Variants in ARHGAP8 observed in about 807,000 individuals in gnomAD.
ARHGAP8 encodes Rho GTPase activating protein 8.
In ARHGAP8, 62 loss-of-function variants were observed where a neutral mutation model predicts 46.1. The ratio of observed to expected loss-of-function variants is 1.34; its 90% CI spans 1.10 to 1.66. The LOEUF (loss-of-function observed/expected upper bound fraction) is 1.66. Ranked by LOEUF, ARHGAP8 falls within the 40% of genes most tolerant of loss-of-function variation. The pLI is 0.00. For missense variants in ARHGAP8, 923 were observed against 568.4 expected (o/e 1.62, Z -6.34); for synonymous variants, 375 against 243.1 (o/e 1.54, Z -5.05).
At chr22:44,855,240 G>T (rs1157452853) in intron 10 of ARHGAP8, among the ~76,000 whole-genome samples, 2 of 151,600 alleles carry the variant, frequency 1.3e-5, no homozygotes, top group Non-Finnish European at 2.9e-5. Context: ...TTTAAGACAG[G>T]GTCTCCTTCT....
chr22:44,792,315 T>A (rs1927753226), intron 2 of ARHGAP8, among the ~76,000 whole-genome samples: 1 of 152,004 alleles, frequency 6.6e-6, no homozygotes, highest in Non-Finnish European at 1.5e-5. Flanking sequence ...CGGCCTCCAG[T>A]TGCTTTTTCA....
chr22:44,841,847 A>T (rs1931673114), intron 7 of ARHGAP8, among the ~76,000 whole-genome samples: 1 of 152,232 alleles, frequency 6.6e-6, no homozygotes, highest in South Asian at 2.1e-4. Context: ...GGCCCAGCCC[A>T]GAGTCAGTGG....
intron 2 of ARHGAP8, chr22:44,801,873 G>A (rs748713292): frequency 3.0e-5 from 18 of 598,044 alleles, no homozygotes; most frequent in Admixed American, 1.2e-4. Context: ...TCCAGCGTAC[G>A]GCTGGTCATG....
chr22:44,845,024 C>T (rs566293564), intron 7 of ARHGAP8, among the ~76,000 whole-genome samples: 3 of 152,292 alleles, frequency 2.0e-5, no homozygotes, highest in Non-Finnish European at 2.9e-5. Flanking sequence ...GAAGCCCTCC[C>T]CAAACCCCAT....
intron 10 of ARHGAP8, among the ~76,000 whole-genome samples, chr22:44,852,990 G>C (rs1372935349): frequency 6.6e-6 from 1 of 152,102 alleles, no homozygotes; most frequent in East Asian, 1.9e-4. Context: ...TTTTAGTAGA[G>C]ACAGCATTTC....
chr22:44,799,327 A>G (rs7288281), intron 2 of ARHGAP8, among the ~76,000 whole-genome samples: 59,837 of 152,184 alleles, frequency 0.39, 14,979 homozygotes, highest in African/African-American at 0.7. Context: ...CTGTGCTCAC[A>G]GCCAGAGGAG....
intron 7 of ARHGAP8, among the ~76,000 whole-genome samples, chr22:44,840,606 C>T (rs549708211): frequency 2.6e-5 from 4 of 152,272 alleles, no homozygotes; most frequent in African/African-American, 9.6e-5. Flanking sequence ...GATCAAGGTG[C>T]CACCAGATTC....
At chr22:44,859,924 G>T in intron 11 of ARHGAP8, 90 bp downstream of exon 11, 1 of 1,451,766 alleles carries the variant, frequency 6.9e-7, no homozygotes, top group Non-Finnish European at 9.3e-7. Context: ...CCTTGCCCTG[G>T]GTCTGGGGTC....
At position 44,809,913 on chromosome 22, in the gene ARHGAP8, C is replaced by T. The variant is rs187462840; in HGVS notation, c.299+1475C>T. ...GCCTTTTGGGTCCTGCTGTCATTAT[C>T]AATAGGACCTTCGGAGGGACTTCTT... On this transcript the variant is annotated intron_variant, in intron 4 of 11. Transcript: ENST00000356099. 38 of 152,368 alleles carry T rather than the reference C, an allele frequency of 2.5e-4. No individual in the cohort carries two copies. In the East Asian group the frequency reaches 6.9e-3, roughly 28 times the overall value. The allele number at this position is 152,368 out of a possible 1,614,324, so 9.4% of individuals were successfully genotyped here.
chr22:44,847,843 T>G, intron 8 of ARHGAP8, 130 bp from the exon 9 acceptor site: 1 of 1,213,434 alleles, frequency 8.2e-7, no homozygotes, highest in Non-Finnish European at 1.2e-6. Flanking sequence ...TGGAAAGGAT[T>G]TGAGGAACAA....
chr22:44,862,271 C>A lies in ARHGAP8; in HGVS notation c.982-4C>A. The stretch of plus-strand genomic sequence containing the variant: ...CCCCTTTACTTGTGTGTGGTTTCCT[C>A]CAGGTGTCCCGGGAGAGCATCTTCA... On this transcript the variant is annotated splice_region_variant and splice_polypyrimidine_tract_variant and intron_variant, in intron 11 of 11. Transcript: ENST00000356099. 1 of 1,584,778 alleles carries A rather than the reference C, an allele frequency of 6.3e-7. No homozygotes were observed.
At chr22:44,780,054 C>G (rs1452725217) in intron 1 of ARHGAP8, among the ~76,000 whole-genome samples, 1 of 152,158 alleles carries the variant, frequency 6.6e-6, no homozygotes, top group Non-Finnish European at 1.5e-5. Context: ...GTGAGCGTGT[C>G]CGGGCTGGAC....
chr22:44,776,683 C>G (rs994640284), intron 1 of ARHGAP8, among the ~76,000 whole-genome samples: 1 of 152,114 alleles, frequency 6.6e-6, no homozygotes, highest in South Asian at 2.1e-4. Context: ...CTTCACTTGC[C>G]GGTTCCCAGC....
chr22:44,835,172 C>T (rs1249941247), intron 7 of ARHGAP8, among the ~76,000 whole-genome samples: 1 of 151,180 alleles, frequency 6.6e-6, no homozygotes, highest in Admixed American at 6.6e-5. Context: ...TCATTAATAC[C>T]TTCTTTTGTG....
At chr22:44,788,458 G>A (rs531501712) in intron 2 of ARHGAP8, among the ~76,000 whole-genome samples, 8 of 151,888 alleles carry the variant, frequency 5.3e-5, no homozygotes, top group Admixed American at 1.3e-4. Flanking sequence ...ACTCTGTTGC[G>A]GAGTGCAGTG....
At chr22:44,858,869 A>C (rs2070328166) in intron 10 of ARHGAP8, among the ~76,000 whole-genome samples, 2 of 151,672 alleles carry the variant, frequency 1.3e-5, no homozygotes, top group African/African-American at 4.9e-5. Flanking sequence ...GCAGGGTTGC[A>C]AACTTTTTCT....
chr22:44,805,225 C>T (rs1185267591), intron 3 of ARHGAP8, among the ~76,000 whole-genome samples: 6 of 152,214 alleles, frequency 3.9e-5, no homozygotes, highest in Admixed American at 2.6e-4. Context: ...CAGGAATGAG[C>T]TCACGATTTG....
intron 3 of ARHGAP8, among the ~76,000 whole-genome samples, chr22:44,803,143 C>T (rs1019018118): frequency 6.6e-6 from 1 of 152,150 alleles, no homozygotes; most frequent in African/African-American, 2.4e-5. Context: ...AGAACTAAGG[C>T]CAGGAAATGA....
intron 4 of ARHGAP8, among the ~76,000 whole-genome samples, chr22:44,810,310 C>T (rs556805142): frequency 2.2e-4 from 32 of 146,092 alleles, no homozygotes; most frequent in South Asian, 1.5e-3. Flanking sequence ...GGCGAGATCT[C>T]GGCTCACCAC....
Sources: gnomAD v4.1 joint callset for allele counts (sites outside exome capture counted in the v4.1 genomes callset) on GRCh38, gnomAD v4.1.1 for gene constraint, MANE v1.5 for transcripts, NCBI Gene and HGNC (gene_info 2026-07-23, HGNC 2026-07-21) for gene names.